The following TNC variants were observed in gnomAD, a reference collection of about 807,000 sequenced individuals.
TNC encodes tenascin C.
A neutral mutation model predicts 202.4 loss-of-function variants in TNC; 109 were observed. The ratio of observed to expected loss-of-function variants is 0.54; its 90% CI spans 0.46 to 0.63. The LOEUF is 0.63. TNC is among the 30% of genes least tolerant of loss of function. The pLI is 0.00. For missense variants in TNC, 2,756 were observed against 2,833.3 expected (o/e 0.97, Z 0.62); for synonymous variants, 1,007 against 1,089.7 (o/e 0.92, Z 1.50).
At chr9:115,058,295 C>G (rs531525756) in intron 14 of TNC, among the ~76,000 whole-genome samples, 1 of 152,312 alleles carries the variant, frequency 6.6e-6, no homozygotes, top group African/African-American at 2.4e-5. Context: ...AAGAAGGCTC[C>G]TGGTCTCTGA....
intron 25 of TNC, among the ~76,000 whole-genome samples, chr9:115,027,371 T>C (rs1564403517): frequency 6.6e-6 from 1 of 151,150 alleles, no homozygotes; most frequent in East Asian, 2.0e-4. Context: ...GGGCGGATCA[T>C]CTGAGGTCAG....
At chr9:115,056,129 G>A (rs772436287) in intron 15 of TNC, among the ~76,000 whole-genome samples, 38 of 151,960 alleles carry the variant, frequency 2.5e-4, no homozygotes, top group Admixed American at 6.5e-4. Flanking sequence ...CCCTTTTCTT[G>A]GATTTCCCAG....
At chr9:115,021,854 TAAGATCTGATAATGTTAGCCTTG>T in intron 27 of TNC, among the ~76,000 whole-genome samples, 1 of 152,342 alleles carries the variant, frequency 6.6e-6, no homozygotes, top group East Asian at 1.9e-4. Context: ...TTTTCTTTCT[TAAGATCTGATAATGTTAGCCTTG>T]AAAGATGAGA....
intron 11 of TNC, among the ~76,000 whole-genome samples, chr9:115,064,368 G>A (rs1832777559): frequency 6.6e-6 from 1 of 152,182 alleles, no homozygotes; most frequent in Non-Finnish European, 1.5e-5. Flanking sequence ...TTTAACAGGA[G>A]GGAGGCTGTT....
intron 7 of TNC, among the ~76,000 whole-genome samples, chr9:115,077,278 A>T (rs546831957): frequency 2.6e-5 from 4 of 151,596 alleles, no homozygotes; most frequent in Admixed American, 2.6e-4. Context: ...GAATGGTCTC[A>T]ATCTCCTGAC....
chr9:115,057,299 A>G lies in TNC; in HGVS notation c.4433T>C (p.Leu1478Ser), dbSNP rs749050242. ...GATATTATATTCCACAGTCTCCAGC[A>G]ACCTATTGGAATCAATAATTTCAAT... ...FTIEIIDSNR[L>S]LETVEYNISG... The change falls in exon 15 of 28, where the codon TTG becomes TCG. Residue 1478 changes from leucine (L) to serine (S), a missense_variant. This residue lies in a region of TNC where 2,559 missense variants were observed against 2,546.0 expected (regional missense o/e 1.01). Transcript: ENST00000350763. 2.8e-5 allele frequency: 46 copies of G among 1,614,098 alleles called. No homozygotes were observed. Among genetic ancestry groups the G allele is most frequent in the Non-Finnish European group, 3.6e-5 (43 of 1,180,052 alleles).
chr9:115,046,417 T>A lies in TNC; in HGVS notation c.5118A>T (p.Ala1706=). The change falls in exon 17 of 28, where the codon GCA becomes GCT. Residue 1706 remains alanine, a synonymous_variant. Coordinates refer to ENST00000350763, the MANE Select transcript of TNC (RefSeq NM_002160.4). ...CCTGTTTATTTACAGTACCTGTTGT[T>A]GCTATAGCACTGACTGTCTGGGATC... The part of the protein sequence containing the change: ...GRRSQTVSAI[A]TTAMGSPKEV... 3 of 1,613,972 alleles carry A rather than the reference T, an allele frequency of 1.9e-6. No homozygotes were observed. The South Asian group carries it at 3.3e-5, about 18-fold the overall frequency.
At chr9:115,089,610 C>A (rs1388112711) in intron 2 of TNC, among the ~76,000 whole-genome samples, 6 of 152,110 alleles carry the variant, frequency 3.9e-5, no homozygotes, top group Non-Finnish European at 8.8e-5. Context: ...AAGTGATTCT[C>A]CTGCCTCAGC....
In TNC at chr9:115,073,719, C is replaced by T; in HGVS notation, c.3098G>A (p.Arg1033Lys). ...TCTCAGGACATAGGAAGTGGTGTTT[C>T]TTGGAAGCTGCACTCCCACCCACTG... The part of the protein sequence containing the change: ...TGQWVGVQLP[R>K]NTTSYVLRGL... Residue 1033 changes from arginine to lysine, a missense_variant, in exon 10 of 28, where the codon AGA becomes AAA. Coordinates refer to ENST00000350763, the MANE Select transcript of TNC (RefSeq NM_002160.4). 4 of 1,614,150 alleles carry T rather than the reference C, an allele frequency of 2.5e-6. No homozygotes were observed. The highest frequency in any genetic ancestry group is 3.4e-6 in the Non-Finnish European group (4 of 1,180,014).
At chr9:115,069,225 G>A (rs12347736) in intron 10 of TNC, among the ~76,000 whole-genome samples, 1,585 of 152,232 alleles carry the variant, frequency 0.01, 27 homozygotes, top group African/African-American at 0.037. Context: ...CAAAATTCCT[G>A]AGAGCTACTG....
At chr9:115,034,987 T>C (rs1053515835) in intron 22 of TNC, among the ~76,000 whole-genome samples, 3 of 152,196 alleles carry the variant, frequency 2.0e-5, no homozygotes, top group Non-Finnish European at 4.4e-5. Flanking sequence ...TGGTTCTTGA[T>C]CTTGGCTGCC....
chr9:115,061,581 T>G (rs944224), intron 13 of TNC, among the ~76,000 whole-genome samples: 15 of 152,182 alleles, frequency 9.9e-5, no homozygotes, highest in Non-Finnish European at 1.9e-4. Context: ...GGCCCCCTTA[T>G]TTTTGGAATT....
intron 23 of TNC, 112 bp downstream of exon 23, chr9:115,031,441 T>C (rs919526030): frequency 4.5e-5 from 56 of 1,239,344 alleles, no homozygotes; most frequent in Non-Finnish European, 5.8e-5. Flanking sequence ...AGTGAATCGA[T>C]TCTTTTCAGA....
At position 115,064,609 on chromosome 9, in the gene TNC, G is replaced by C. The variant is rs201326300; in HGVS notation, c.3487+38C>G. ...ATTATTCATGGGCAGTTTCCTGCTG[G>C]GAAAAACAGAAGCTATAAATAGAAA... On this transcript the variant is annotated intron_variant, in intron 11 of 27. Transcript: ENST00000350763. 10 of 1,563,062 alleles carry C rather than the reference G, an allele frequency of 6.4e-6. No homozygotes were observed. In the Admixed American group the frequency reaches 1.9e-4, roughly 29 times the overall value.
At chr9:115,028,295 T>C (rs567464294) in intron 25 of TNC, among the ~76,000 whole-genome samples, 1 of 152,314 alleles carries the variant, frequency 6.6e-6, no homozygotes, top group Admixed American at 6.5e-5. Context: ...AAACCTATAC[T>C]GTTGTTAGTA....
At position 115,076,027 on chromosome 9, in the gene TNC, C is replaced by T; in HGVS notation, c.2950+5G>A. On this transcript the variant is annotated splice_donor_5th_base_variant and intron_variant, in intron 9 of 27. Coordinates refer to ENST00000350763, the MANE Select transcript of TNC (RefSeq NM_002160.4). ...AGTGGGATGGGAATTCCAGGTGTGC[C>T]CCACCTGTGGCTGCGTTGATGGTCG... 2.5e-6 allele frequency: 4 copies of T among 1,613,660 alleles called. No individual in the cohort carries two copies. Among genetic ancestry groups the T allele is most frequent in the Non-Finnish European group, 3.4e-6 (4 of 1,179,644 alleles).
At chr9:115,100,985 G>A (rs993753236) in intron 1 of TNC, among the ~76,000 whole-genome samples, 1 of 152,114 alleles carries the variant, frequency 6.6e-6, no homozygotes, top group African/African-American at 2.4e-5. Context: ...AGAAATATCA[G>A]TGGTGGGATC....
At chr9:115,051,593 A>G (rs1041497991) in intron 15 of TNC, among the ~76,000 whole-genome samples, 3 of 151,460 alleles carry the variant, frequency 2.0e-5, no homozygotes, top group Non-Finnish European at 4.4e-5. Context: ...AATCAAAAGA[A>G]AAAAAGGAGA....
At position 115,024,145 on chromosome 9, in the gene TNC, GAC is replaced by G. The variant is rs765806956; in HGVS notation, c.6332-11_6332-10del. On this transcript the variant is annotated splice_polypyrimidine_tract_variant and intron_variant, in intron 26 of 27. Transcript: ENST00000350763. ...GTAGGCCATGGAGTCACCTGGGAGA[GAC>G]AGAAAATATGGACCTGAGAAATCTC... The G allele has an allele frequency of 1.2e-6, 2 of 1,610,626 alleles. No homozygotes were observed. The highest frequency in any genetic ancestry group is 1.1e-5 in the South Asian group (1 of 90,884).
Sources: gnomAD v4.1 joint callset for allele counts (sites outside exome capture counted in the v4.1 genomes callset) on GRCh38, gnomAD v4.1.1 for gene constraint, gnomAD v4.1.1 regional missense constraint, MANE v1.5 for transcripts, NCBI Gene and HGNC (gene_info 2026-07-23, HGNC 2026-07-21) for gene names.